Variants in ERCC2 observed in about 807,000 individuals in gnomAD.
The protein encoded by ERCC2 is general transcription and DNA repair factor IIH helicase subunit XPD.
Under a neutral mutation model 99.4 loss-of-function variants are expected in ERCC2, and 90 were observed. That is an observed-to-expected ratio of 0.91 (90% CI 0.76 to 1.08). The LOEUF (loss-of-function observed/expected upper bound fraction) is 1.08, where lower values mean the gene tolerates loss of function less well. ERCC2 is among the 50% of genes least tolerant of loss of function. The pLI, the probability that ERCC2 is intolerant of heterozygous loss-of-function variation, is 0.00. For missense variants in ERCC2, 993 were observed against 1,038.1 expected (o/e 0.96, Z 0.60); for synonymous variants, 497 against 432.4 (o/e 1.15, Z -1.85).
rs764585445 is a variant in ERCC2 at position 45,363,757 on chromosome 19, C to CG, written c.1103_1104insC (p.Gln368HisfsTer10). 1.3e-6 allele frequency: 2 copies of CG among 1,535,292 alleles called. No individual in the cohort carries two copies. Among genetic ancestry groups the CG allele is most frequent in the South Asian group, 2.4e-5 (2 of 84,040 alleles). On this transcript the variant is annotated frameshift_variant, in exon 11 of 23. Coordinates refer to ENST00000391945, the MANE Select transcript of ERCC2 (RefSeq NM_000400.4). LOFTEE classifies it high-confidence loss of function. ...TGGGGCCGCACCTGAGGGGCTTGCG[C>CG]TGGATGCACACGCGCTGGGCCAGGC... is the stretch of plus-strand genomic sequence containing the variant.
intron 12 of ERCC2, chr19:45,358,016 C>T (rs753949998): frequency 8.2e-6 from 4 of 487,656 alleles, no homozygotes; most frequent in Non-Finnish European, 1.5e-5. Context: ...AAGCCAGGAG[C>T]CAGAGCCTCA....
chr19:45,364,089 C>G lies in ERCC2; in HGVS notation c.846G>C (p.Arg282=), dbSNP rs527681176. The change falls in exon 10 of 23, where the codon CGG becomes CGC. Residue 282 remains arginine (R), a synonymous_variant. Transcript: ENST00000391945. ...CCTCCACCAGACGCCGGTACTCGTC[C>G]CGCAGGCGCTGCTCGTCTGTCTCTT... The part of the protein sequence containing the change: ...RIKETDEQRL[R]DEYRRLVEGL... The G allele has an allele frequency of 6.2e-7, 1 of 1,603,776 alleles. No individual in the cohort carries two copies. Among genetic ancestry groups the G allele is most frequent in the Admixed American group, 1.7e-5 (1 of 58,756 alleles).
Position 45,351,703 on chromosome 19 carries a change from A to C in ERCC2, c.2209T>G (p.Ser737Ala), listed in dbSNP as rs1568530343. ...PFHREDQLGL[S>A]LLSLEQLESE... ...TCTAGCTGCTCCAGGCTGAGCAGGG[A>C]CAGGCCCAGCTGATCCTCCTGCAGA... is the stretch of plus-strand genomic sequence containing the variant. The change falls in exon 23 of 23, where the codon TCC becomes GCC. Residue 737 changes from serine (S) to alanine (A), a missense_variant. By Grantham distance (99) the Ser-to-Ala change is moderately conservative. Coordinates refer to ENST00000391945, the MANE Select transcript of ERCC2 (RefSeq NM_000400.4). 9 of 1,613,832 alleles carry C rather than the reference A, an allele frequency of 5.6e-6. No homozygotes were observed. Among genetic ancestry groups the C allele is most frequent in the Non-Finnish European group, 7.6e-6 (9 of 1,179,986 alleles).
At chr19:45,352,988 G>C in intron 19 of ERCC2, 95 bp downstream of exon 19, 1 of 1,384,060 alleles carries the variant, frequency 7.2e-7, no homozygotes, top group Non-Finnish European at 1.0e-6. Flanking sequence ...TAGGCTGGGG[G>C]TGGGTGGTTC....
chr19:45,351,427 G>T lies in ERCC2; in HGVS notation c.*202C>A. The T allele has an allele frequency of 6.3e-7, 1 of 1,592,224 alleles. No homozygotes were observed. Among genetic ancestry groups the T allele is most frequent in the Non-Finnish European group, 8.5e-7 (1 of 1,172,520 alleles). The stretch of plus-strand genomic sequence containing the variant: ...GGAGGGATGGGCTGGTGGGGTGAGA[G>T]GGGGTCTATCATCTCCTGGCCCCCC... On this transcript the variant is annotated 3_prime_UTR_variant, in exon 23 of 23. Coordinates refer to ENST00000391945, the MANE Select transcript of ERCC2 (RefSeq NM_000400.4).
chr19:45,355,828 TTTTTTA>T, intron 15 of ERCC2, 100 bp from the exon 16 acceptor site: 1 of 992,386 alleles, frequency 1.0e-6, no homozygotes, highest in Non-Finnish European at 1.6e-6. Flanking sequence ...TTTTTTTTTT[TTTTTTA>T]AAGAGAGACA....
At chr19:45,360,012 T>C (rs1436655791) in intron 12 of ERCC2, among the ~76,000 whole-genome samples, 1 of 151,776 alleles carries the variant, frequency 6.6e-6, no homozygotes. Flanking sequence ...TGACCTCAGG[T>C]GATCCACCCA....
chr19:45,364,397 C>T (rs2123290670), intron 8 of ERCC2, 27 bp downstream of exon 8: 1 of 1,613,852 alleles, frequency 6.2e-7, no homozygotes, highest in South Asian at 1.1e-5. Flanking sequence ...GGGCTGGCAT[C>T]CCTTTGGCCC....
In ERCC2 at chr19:45,353,428, CTG is replaced by C. The variant is rs1311507582; in HGVS notation, c.1666-96_1666-95del. ...TGGGGACTCCCACATCACCATGTCT[CTG>C]GGCCTCAGCTGGCTCATCTGAGATG... On this transcript the variant is annotated intron_variant, in intron 17 of 22. Transcript: ENST00000391945. 3.6e-6 allele frequency: 3 copies of C among 824,020 alleles called. No homozygotes were observed. In the East Asian group the frequency reaches 7.9e-5, roughly 22 times the overall value. The allele number at this position is 824,020 out of a possible 1,614,324, so 51.0% of individuals were successfully genotyped here.
intron 22 of ERCC2, among the ~76,000 whole-genome samples, 167 bp from the exon 23 acceptor site, chr19:45,351,888 T>A (rs868187921): frequency 6.6e-6 from 1 of 152,122 alleles, no homozygotes; most frequent in South Asian, 2.1e-4. Context: ...CAACATAAGA[T>A]GGGGCTGAGG....
Position 45,351,678 on chromosome 19 carries a change from T to TCTAG in ERCC2, c.2230_2233dup (p.Glu745AlafsTer30), listed in dbSNP as rs1971785917. 5.0e-6 allele frequency: 8 copies of TCTAG among 1,614,016 alleles called. No individual in the cohort carries two copies. Among genetic ancestry groups the TCTAG allele is most frequent in the Non-Finnish European group, 6.8e-6 (8 of 1,180,012 alleles). ...TATCCTCTTCAGCGTCTCCTCTGAT[T>TCTAG]CTAGCTGCTCCAGGCTGAGCAGGGA... On this transcript the variant is annotated frameshift_variant, in exon 23 of 23. Coordinates refer to ENST00000391945, the MANE Select transcript of ERCC2 (RefSeq NM_000400.4). LOFTEE classifies it high-confidence loss of function.
At position 45,364,271 on chromosome 19, in the gene ERCC2, T is replaced by A; in HGVS notation, c.779A>T (p.Gln260Leu). The change falls in exon 9 of 23, where the codon CAG becomes CTG. Residue 260 changes from glutamine (Q) to leucine (L), a missense_variant. By Grantham distance (113) the Gln-to-Leu change is moderately radical. Transcript: ENST00000391945. ...CTTCTGCAGGGTCTCCAGGTTGCCC[T>A]GGCACCGGTCAAGGGTCCGGCGGGT... ...NLTRRTLDRC[Q>L]GNLETLQKTV... 1 of 1,613,960 alleles carries A rather than the reference T, an allele frequency of 6.2e-7. No homozygotes were observed. The highest frequency in any genetic ancestry group is 8.5e-7 in the Non-Finnish European group (1 of 1,179,966).
Position 45,351,062 on chromosome 19 carries a change from AG to A in ERCC2, c.*566del. On this transcript the variant is annotated 3_prime_UTR_variant, in exon 23 of 23. Coordinates refer to ENST00000391945, the MANE Select transcript of ERCC2 (RefSeq NM_000400.4). ...CAAAAATAGAGGAGGCCATGTGGGT[AG>A]GTGCAGAGATGAGGCAAAGGCAGGG... 1 of 1,613,906 alleles carries A rather than the reference AG, an allele frequency of 6.2e-7. No homozygotes were observed. The highest frequency in any genetic ancestry group is 8.5e-7 in the Non-Finnish European group (1 of 1,179,944).
At chr19:45,354,897 T>C in intron 16 of ERCC2, 46 bp from the exon 17 acceptor site, 1 of 1,612,698 alleles carries the variant, frequency 6.2e-7, no homozygotes, top group Non-Finnish European at 8.5e-7. Flanking sequence ...CAGGTCCTCC[T>C]CCCTTCTCTG....
chr19:45,370,104 T>TGGGCGGGTC, intron 2 of ERCC2, 29 bp downstream of exon 2: 2 of 1,610,396 alleles, frequency 1.2e-6, no homozygotes, highest in African/African-American at 1.3e-5. Flanking sequence ...ACCGGTCGAG[T>TGGGCGGGTC]GGGCGGGTCG....
rs762309206 is a variant in ERCC2 at position 45,364,832 on chromosome 19, CCTCA to C, written c.594+2_594+5del. ...GCCCCTCTGCCCATCCCACCAGCCT[CCTCA>C]CTGAGTATCGAGCAAGGAAGTATGG... On this transcript the variant is annotated splice_donor_variant and splice_donor_5th_base_variant and intron_variant, in intron 7 of 22. Coordinates refer to ENST00000391945, the MANE Select transcript of ERCC2 (RefSeq NM_000400.4). LOFTEE classifies it high-confidence loss of function. 1.5e-4 allele frequency: 239 copies of C among 1,606,116 alleles called. No individual in the cohort carries two copies. Among genetic ancestry groups the C allele is most frequent in the Non-Finnish European group, 1.7e-4 (201 of 1,172,936 alleles).
intron 22 of ERCC2, among the ~76,000 whole-genome samples, chr19:45,351,993 C>T (rs1199530862): frequency 1.3e-5 from 2 of 152,224 alleles, no homozygotes; most frequent in Non-Finnish European, 1.5e-5. Context: ...CCCAACTTCT[C>T]TCACCCTGCC....
chr19:45,351,875 T>G (rs147615336), intron 22 of ERCC2, among the ~76,000 whole-genome samples, 154 bp from the exon 23 acceptor site: 283 of 152,348 alleles, frequency 1.9e-3, no homozygotes, highest in African/African-American at 6.6e-3. Context: ...GGGCCATCCC[T>G]GTCAACATAA....
chr19:45,369,512 C>CA (rs1253146500), intron 2 of ERCC2, among the ~76,000 whole-genome samples: 2 of 151,856 alleles, frequency 1.3e-5, no homozygotes, highest in African/African-American at 4.8e-5. Flanking sequence ...ACTAAAAATA[C>CA]AAAAAATTAG....
Sources: gnomAD v4.1 joint callset for allele counts (sites outside exome capture counted in the v4.1 genomes callset) on GRCh38, gnomAD v4.1.1 for gene constraint, MANE v1.5 for transcripts, NCBI Gene and HGNC (gene_info 2026-07-23, HGNC 2026-07-21) for gene names.